The following DRC11L variants were observed in gnomAD, a reference collection of about 807,000 sequenced individuals.
DRC11L encodes dynein regulatory complex subunit like-11.
At chr7:151,195,085 G>A in the DRC11L span, among the ~76,000 whole-genome samples, 1 of 152,192 alleles carries the variant, frequency 6.6e-6, no homozygotes, top group African/African-American at 2.4e-5. Flanking sequence ...GTCTCAGAGT[G>A]GGAAGTCCAG....
the DRC11L span, chr7:151,197,179 C>T: frequency 2.0e-5 from 8 of 399,664 alleles, no homozygotes; most frequent in Admixed American, 4.4e-5. Context: ...CTGTCCCTCA[C>T]ACCATGCATC....
the DRC11L span, chr7:151,194,409 G>A: frequency 2.5e-6 from 1 of 398,978 alleles, no homozygotes; most frequent in African/African-American, 2.1e-5. Context: ...CTCTCCGAGT[G>A]GCAATCAGGT....
chr7:151,195,700 G>A, the DRC11L span: 2 of 399,262 alleles, frequency 5.0e-6, no homozygotes, highest in Non-Finnish European at 8.8e-6. Flanking sequence ...GCCTGGGGCT[G>A]GGAGGACAGG....
the DRC11L span, among the ~76,000 whole-genome samples, chr7:151,193,664 G>A: frequency 1.3e-5 from 2 of 152,190 alleles, no homozygotes; most frequent in Admixed American, 1.3e-4. Context: ...AGGTCTGGGA[G>A]CCGGGAGTGG....
At chr7:151,194,514 A>G in the DRC11L span, 2 of 399,016 alleles carry the variant, frequency 5.0e-6, no homozygotes, top group Non-Finnish European at 8.8e-6. Flanking sequence ...GAGGGGTCTC[A>G]CCTATGTAGT....
chr7:151,191,982 C>T, the DRC11L span: 15 of 398,220 alleles, frequency 3.8e-5, no homozygotes, highest in South Asian at 1.4e-4. Flanking sequence ...TTTTGTGCTC[C>T]GGGGAGCAGC....
the DRC11L span, chr7:151,196,611 A>G: frequency 7.5e-6 from 3 of 399,544 alleles, no homozygotes; most frequent in African/African-American, 4.1e-5. Flanking sequence ...GCATACACAC[A>G]TGCATTCATG....
chr7:151,191,954 G>C, the DRC11L span: 1 of 398,824 alleles, frequency 2.5e-6, no homozygotes, highest in Non-Finnish European at 4.4e-6. Flanking sequence ...AGCAGCCCCC[G>C]CCTGGATCTG....
the DRC11L span, chr7:151,192,349 G>A: frequency 4.5e-5 from 18 of 399,134 alleles, no homozygotes; most frequent in Non-Finnish European, 1.8e-5. Flanking sequence ...CCCGCATCTC[G>A]GCCAGCTGTG....
the DRC11L span, chr7:151,192,796 T>C: frequency 2.5e-6 from 1 of 399,096 alleles, no homozygotes; most frequent in Non-Finnish European, 4.4e-6. Context: ...GCATTTCCAA[T>C]CCAAATCACA....
the DRC11L span, chr7:151,192,332 C>T: frequency 1.0e-5 from 4 of 399,082 alleles, no homozygotes; most frequent in African/African-American, 2.1e-5. Flanking sequence ...GTAGACCCGG[C>T]ACAGACCCCG....
At chr7:151,200,147 G>A in the DRC11L span, among the ~76,000 whole-genome samples, 1 of 152,238 alleles carries the variant, frequency 6.6e-6, no homozygotes, top group African/African-American at 2.4e-5. Flanking sequence ...TGCCCTTCAT[G>A]GCTCCACAGG....
chr7:151,196,449 T>G, the DRC11L span: 1 of 399,208 alleles, frequency 2.5e-6, no homozygotes, highest in Non-Finnish European at 4.4e-6. Flanking sequence ...TGCTCACACC[T>G]GTATCCGGAT....
the DRC11L span, chr7:151,196,401 G>A: frequency 1.0e-5 from 4 of 398,924 alleles, no homozygotes; most frequent in African/African-American, 8.2e-5. Flanking sequence ...TATGGGGGAG[G>A]GTACAGGGTG....
At chr7:151,204,917 G>T in the DRC11L span, 1 of 398,912 alleles carries the variant, frequency 2.5e-6, no homozygotes, top group East Asian at 3.6e-5. Context: ...TTTGAGGAGT[G>T]TGGGCTCGGG....
chr7:151,191,381 C>T, the DRC11L span, among the ~76,000 whole-genome samples: 1 of 152,136 alleles, frequency 6.6e-6, no homozygotes, highest in Non-Finnish European at 1.5e-5. Context: ...GCAGCTGCTA[C>T]CAGAACCCAC....
chr7:151,201,047 G>A, the DRC11L span, among the ~76,000 whole-genome samples: 6 of 151,582 alleles, frequency 4.0e-5, no homozygotes, highest in Middle Eastern at 3.4e-3. The surrounding 1 kb of genome is among the most constrained non-coding windows in gnomAD (Gnocchi z 4.1). Context: ...AGAGCTGGAC[G>A]CGTCCTCTTT....
the DRC11L span, among the ~76,000 whole-genome samples, chr7:151,203,766 C>T: frequency 6.6e-6 from 1 of 152,150 alleles, no homozygotes; most frequent in Admixed American, 6.5e-5. Context: ...CCTGGTTGTG[C>T]ATCACAATCA....
the DRC11L span, chr7:151,204,915 G>C: frequency 5.0e-6 from 2 of 398,970 alleles, no homozygotes; most frequent in Admixed American, 8.8e-5. Context: ...CTTTTGAGGA[G>C]TGTGGGCTCG....
Sources: allele counts gnomAD v4.1 joint callset (sites outside exome capture counted in the v4.1 genomes callset), GRCh38; gene constraint gnomAD v4.1.1; non-coding constraint Gnocchi (gnomAD v3.1); transcripts MANE v1.5; gene names NCBI Gene and HGNC (gene_info 2026-07-23, HGNC 2026-07-21).